The following TMCC1 variants were observed in gnomAD, a reference collection of about 807,000 sequenced individuals.
TMCC1 encodes transmembrane and coiled-coil domains protein 1.
A neutral mutation model predicts 52.4 loss-of-function variants in TMCC1; 15 were observed. That is an observed-to-expected ratio of 0.29 (90% CI 0.19 to 0.44). The LOEUF is 0.44. Ranked by LOEUF, TMCC1 falls within the 20% of genes least tolerant of loss-of-function variation. The pLI is 1.00. For missense variants in TMCC1, 503 were observed against 806.0 expected (o/e 0.62, Z 4.55); for synonymous variants, 279 against 301.9 (o/e 0.92, Z 0.79).
chr3:129,771,953 C>T (rs2054618749), intron 4 of TMCC1, among the ~76,000 whole-genome samples: 1 of 151,862 alleles, frequency 6.6e-6, no homozygotes. Context: ...TGGAAACAGG[C>T]AAGAAAGTAC....
At chr3:129,808,644 TC>T (rs1467243908) in intron 4 of TMCC1, among the ~76,000 whole-genome samples, 22 of 151,592 alleles carry the variant, frequency 1.5e-4, no homozygotes, top group Non-Finnish European at 2.1e-4. Context: ...GGAAGTGTAA[TC>T]ATATTATACT....
At chr3:129,746,319 C>A (rs1299950551) in intron 4 of TMCC1, among the ~76,000 whole-genome samples, 1 of 149,768 alleles carries the variant, frequency 6.7e-6, no homozygotes, top group South Asian at 2.2e-4. Context: ...TACAGGCGTG[C>A]GCCACCACGC....
In TMCC1 at chr3:129,775,147, C is replaced by T. The variant is rs1336088170; in HGVS notation, c.576+52656G>A. Among the ~76,000 whole-genome samples the T allele has an allele frequency of 2.0e-5, 3 of 151,918 alleles. No homozygotes were observed. The East Asian group carries it at 5.8e-4, about 29-fold the overall frequency. ...TTTGCTGGCTTGGTGGGGGTGTATGCAGATAAGAAATTGAAGGCTGGGTGT... is the reference window on the plus strand; with the variant it reads ...TTTGCTGGCTTGGTGGGGGTGTATGTAGATAAGAAATTGAAGGCTGGGTGT... On this transcript the variant is annotated intron_variant, in intron 4 of 6. Transcript: ENST00000393238.
chr3:129,742,190 T>A, intron 4 of TMCC1, among the ~76,000 whole-genome samples: 1 of 151,932 alleles, frequency 6.6e-6, no homozygotes, highest in East Asian at 1.9e-4. Context: ...TTCTCAGATA[T>A]GACACCAAAA....
At chr3:129,791,060 T>A (rs995260993) in intron 4 of TMCC1, among the ~76,000 whole-genome samples, 1 of 151,294 alleles carries the variant, frequency 6.6e-6, no homozygotes, top group Non-Finnish European at 1.5e-5. Context: ...TCAGAGATCA[T>A]GATAGAGAGA....
At chr3:129,800,359 C>A (rs541902269) in intron 4 of TMCC1, among the ~76,000 whole-genome samples, 17 of 152,040 alleles carry the variant, frequency 1.1e-4, no homozygotes, top group Non-Finnish European at 2.1e-4. Flanking sequence ...AAATGGAAAT[C>A]CTAAAGGACA....
In TMCC1 at chr3:129,777,448, C is replaced by T. The variant is rs72985364; in HGVS notation, c.576+50355G>A. Among the ~76,000 whole-genome samples the T allele has an allele frequency of 4.7e-3, 712 of 152,306 alleles. 8 individuals are homozygous for T. Among genetic ancestry groups the T allele is most frequent in the African/African-American group, 0.016 (676 of 41,568 alleles). On this transcript the variant is annotated intron_variant, in intron 4 of 6. Transcript: ENST00000393238. ...GGAAAACTACTTAGAGGTAACATCT[C>T]AAGGTCTCTTCCAAGATTCCAGTTT...
chr3:129,831,017 C>T (rs2058883368), intron 3 of TMCC1, among the ~76,000 whole-genome samples: 1 of 152,176 alleles, frequency 6.6e-6, no homozygotes. Flanking sequence ...TCACTGCAGC[C>T]TCTGCCTCCT....
intron 2 of TMCC1, chr3:129,866,938 A>G (rs1284629183): frequency 6.6e-6 from 1 of 152,208 alleles, no homozygotes; most frequent in Non-Finnish European, 1.5e-5. Context: ...AAAGAAAAAC[A>G]AATTCTTTAT....
chr3:129,825,917 G>T (rs1199575259), intron 4 of TMCC1, among the ~76,000 whole-genome samples: 1 of 152,066 alleles, frequency 6.6e-6, no homozygotes, highest in Non-Finnish European at 1.5e-5. Context: ...AAAACTGGTG[G>T]ATTTTACTGT....
intron 2 of TMCC1, among the ~76,000 whole-genome samples, chr3:129,834,496 C>A (rs867888275): frequency 6.6e-6 from 1 of 151,984 alleles, no homozygotes; most frequent in South Asian, 2.1e-4. Context: ...AACCTAAAGG[C>A]CAAAACAGGT....
At chr3:129,726,471 T>A (rs373269587) in intron 4 of TMCC1, among the ~76,000 whole-genome samples, 160 of 152,324 alleles carry the variant, frequency 1.1e-3, no homozygotes, top group African/African-American at 3.4e-3. Flanking sequence ...CCACTCTGGA[T>A]TATTTTATTG....
chr3:129,874,542 T>C (rs947457835), intron 2 of TMCC1, among the ~76,000 whole-genome samples: 6 of 151,888 alleles, frequency 4.0e-5, no homozygotes, highest in Admixed American at 2.6e-4. Context: ...ACCCTATCTC[T>C]GCAAAAAACA....
chr3:129,798,899 A>G lies in TMCC1; in HGVS notation c.576+28904T>C, dbSNP rs561281321. Among the ~76,000 whole-genome samples the G allele has an allele frequency of 9.2e-5, 14 of 152,322 alleles. No homozygotes were observed. The South Asian group carries it at 1.9e-3, about 20-fold the overall frequency. On this transcript the variant is annotated intron_variant, in intron 4 of 6. Coordinates refer to ENST00000393238, the MANE Select transcript of TMCC1 (RefSeq NM_001017395.5). ...TGCCAGTTTTAGGGTTTTCTGTGGC[A>G]TTTTAGGCCCCTTAAATGAGATTCT...
At chr3:129,711,229 C>T (rs922650962) in intron 4 of TMCC1, among the ~76,000 whole-genome samples, 5 of 152,120 alleles carry the variant, frequency 3.3e-5, no homozygotes, top group African/African-American at 7.2e-5. Flanking sequence ...AATCACTTGC[C>T]GCTTAATAAG....
Position 129,651,921 on chromosome 3 carries a change from T to C in TMCC1, c.1648-126A>G, listed in dbSNP as rs2086356922. On this transcript the variant is annotated intron_variant, in intron 6 of 6. Coordinates refer to ENST00000393238, the MANE Select transcript of TMCC1 (RefSeq NM_001017395.5). This position sits in a 1 kb window ranked among gnomAD's most constrained non-coding sequence, Gnocchi z 5.1. ...ATGATTTTATAAATATGCTGGAGCC[T>C]TGAATGAATGTAAAAGGCTAGATGT... The C allele has an allele frequency of 1.9e-6, 2 of 1,068,066 alleles. No individual in the cohort carries two copies. The highest frequency in any genetic ancestry group is 3.2e-5 in the African/African-American group (2 of 62,470). The allele number at this position is 1,068,066 out of a possible 1,614,324, so 66.2% of individuals were successfully genotyped here. A position where few individuals can be genotyped will look rare whatever the true frequency, so the allele number is the denominator to read the frequency against.
chr3:129,893,437 A>C (rs1449120659), intron 1 of TMCC1, 57 bp downstream of exon 1: 2 of 151,772 alleles, frequency 1.3e-5, no homozygotes, highest in Non-Finnish European at 2.9e-5. Flanking sequence ...CCCACCGCGG[A>C]GGGCCGTGAG....
chr3:129,757,124 C>T (rs1294984203), intron 4 of TMCC1, among the ~76,000 whole-genome samples: 2 of 152,160 alleles, frequency 1.3e-5, no homozygotes, highest in Non-Finnish European at 2.9e-5. Flanking sequence ...TAAAACCTAA[C>T]AGTCAACACC....
At chr3:129,701,516 A>C (rs2047833477) in intron 4 of TMCC1, among the ~76,000 whole-genome samples, 1 of 152,262 alleles carries the variant, frequency 6.6e-6, no homozygotes, top group African/African-American at 2.4e-5. Flanking sequence ...AATGGAAAGA[A>C]GTTTAAAATC....
Sources: allele counts gnomAD v4.1 joint callset (sites outside exome capture counted in the v4.1 genomes callset), GRCh38; gene constraint gnomAD v4.1.1; non-coding constraint Gnocchi (gnomAD v3.1); transcripts MANE v1.5; gene names NCBI Gene and HGNC (gene_info 2026-07-23, HGNC 2026-07-21).